Variants in RBPMS observed in about 807,000 individuals in gnomAD.
The protein encoded by RBPMS is RNA binding protein, mRNA processing factor.
Under a neutral mutation model 26.8 loss-of-function variants are expected in RBPMS, and 7 were observed. That is an observed-to-expected ratio of 0.26 (90% CI 0.15 to 0.49). The LOEUF (loss-of-function observed/expected upper bound fraction) is 0.49. RBPMS is among the 20% of genes least tolerant of loss of function. RBPMS has a pLI of 0.98. For synonymous variants in RBPMS, 96 were observed against 93.3 expected (o/e 1.03, Z -0.17); for missense variants, 186 against 250.0 (o/e 0.74, Z 1.73).
intron 1 of RBPMS, among the ~76,000 whole-genome samples, chr8:30,410,556 G>A (rs1253844276): frequency 7.9e-6 from 1 of 125,944 alleles, no homozygotes; most frequent in Non-Finnish European, 2.0e-5. Context: ...ATATATATAG[G>A]TGTGTGTGTA....
chr8:30,558,838 G>T (rs201339554), intron 6 of RBPMS, 49 bp from the exon 7 acceptor site: 4 of 1,491,640 alleles, frequency 2.7e-6, no homozygotes, highest in Admixed American at 3.3e-5. Flanking sequence ...GTGAGAATGG[G>T]GATATGCTGG....
In RBPMS at chr8:30,488,901, C is replaced by T. The variant is rs183724257; in HGVS notation, c.246+9524C>T. ...CAATCATGTGGGTGTCCGAATCCAGCGGACCTGATTATATCCAGGCCCTGC... is the reference window on the plus strand; with the variant it reads ...CAATCATGTGGGTGTCCGAATCCAGTGGACCTGATTATATCCAGGCCCTGC... On this transcript the variant is annotated intron_variant, in intron 4 of 8. Coordinates refer to ENST00000397323, the MANE Select transcript of RBPMS (RefSeq NM_001008710.3). 2.0e-3 allele frequency among the ~76,000 whole-genome samples: 302 copies of T among 152,240 alleles called. 2 individuals carry two copies. The highest frequency in any genetic ancestry group is 7.1e-3 in the African/African-American group (296 of 41,562).
chr8:30,549,794 C>CTCTCTCTCTCTCTCTG (rs1246392654), intron 6 of RBPMS, among the ~76,000 whole-genome samples: 8 of 103,966 alleles, frequency 7.7e-5, no homozygotes, highest in African/African-American at 3.6e-4. Context: ...CTCTCTCTCT[C>CTCTCTCTCTCTCTCTG]TCCCCTCTCT....
intron 1 of RBPMS, among the ~76,000 whole-genome samples, chr8:30,469,235 C>T (rs911812701): frequency 3.9e-5 from 6 of 152,226 alleles, no homozygotes; most frequent in African/African-American, 1.4e-4. Flanking sequence ...ATTTCAAGGC[C>T]TGCTTTTGGC....
intron 1 of RBPMS, among the ~76,000 whole-genome samples, chr8:30,442,232 T>G (rs35320172): frequency 0.17 from 25,716 of 152,154 alleles, 2,379 homozygotes; most frequent in East Asian, 0.32. Flanking sequence ...TTCCTGGGCC[T>G]TTACTGTGCT....
At chr8:30,569,093 CT>C (rs1828093486) in intron 8 of RBPMS, among the ~76,000 whole-genome samples, 1 of 152,216 alleles carries the variant, frequency 6.6e-6, no homozygotes, top group Non-Finnish European at 1.5e-5. Context: ...CTCATCAGGG[CT>C]GCAGCTACCC....
rs116232320 is a variant in RBPMS at position 30,435,125 on chromosome 8, G to A, written c.67-39654G>A. On this transcript the variant is annotated intron_variant, in intron 1 of 8. Coordinates refer to ENST00000397323, the MANE Select transcript of RBPMS (RefSeq NM_001008710.3). ...CTGAAACTTTGAGCACTGACATGAC[G>A]CCTCACATCTCACCCTATGTGTCAG... is the stretch of plus-strand genomic sequence containing the variant. 3.1e-3 allele frequency among the ~76,000 whole-genome samples: 467 copies of A among 152,146 alleles called. 1 individual carries two copies. Among genetic ancestry groups the A allele is most frequent in the African/African-American group, 0.01 (419 of 41,516 alleles).
chr8:30,422,770 A>C (rs1489181446), intron 1 of RBPMS, among the ~76,000 whole-genome samples: 1 of 152,074 alleles, frequency 6.6e-6, no homozygotes, highest in East Asian at 1.9e-4. Context: ...GTAGATAACC[A>C]CACCCAAGAA....
chr8:30,469,640 A>G (rs954141501), intron 1 of RBPMS, among the ~76,000 whole-genome samples: 1 of 152,226 alleles, frequency 6.6e-6, no homozygotes, highest in Non-Finnish European at 1.5e-5. Context: ...ATGTTTCCCC[A>G]TGTGTTCCAT....
intron 2 of RBPMS, among the ~76,000 whole-genome samples, chr8:30,475,203 CA>C (rs1817556792): frequency 6.6e-6 from 1 of 152,022 alleles, no homozygotes; most frequent in African/African-American, 2.4e-5. Context: ...AACTTTCAAA[CA>C]AAGTAAAACA....
intron 5 of RBPMS, among the ~76,000 whole-genome samples, chr8:30,536,124 C>G (rs990158259): frequency 2.3e-5 from 3 of 130,748 alleles, no homozygotes; most frequent in Non-Finnish European, 5.1e-5. Flanking sequence ...GAGATCATCT[C>G]TCTCTTTTTT....
intron 5 of RBPMS, among the ~76,000 whole-genome samples, chr8:30,543,422 ACT>A (rs1225493137): frequency 2.0e-5 from 3 of 152,020 alleles, no homozygotes; most frequent in Non-Finnish European, 4.4e-5. Context: ...GAATAAAGTG[ACT>A]CTGTTGACCT....
chr8:30,499,567 C>T (rs778737655), intron 4 of RBPMS, among the ~76,000 whole-genome samples: 54 of 151,870 alleles, frequency 3.6e-4, no homozygotes, highest in Non-Finnish European at 4.9e-4. Context: ...CATCTCTGAT[C>T]TTCCTGCCAA....
chr8:30,384,544 G>A lies in RBPMS; in HGVS notation c.-549G>A, dbSNP rs1806761957. 6.5e-6 allele frequency: 1 copy of A among 152,812 alleles called. No individual in the cohort carries two copies. 9.5% of individuals were successfully genotyped at this position (152,812 alleles called of 1,614,324 possible). On this transcript the variant is annotated 5_prime_UTR_variant, in exon 1 of 9. Transcript: ENST00000397323. The surrounding 1 kb of genome is among the most constrained non-coding windows in gnomAD (Gnocchi z 5.6). ...CTGCTTCCATCCCGGACTTCCCAGA[G>A]CCTGCCTGGAGCGCGTACTCAGCGG...
intron 1 of RBPMS, among the ~76,000 whole-genome samples, chr8:30,425,457 A>G (rs532072556): frequency 2.6e-5 from 4 of 152,044 alleles, no homozygotes; most frequent in Admixed American, 2.0e-4. Context: ...CTGGAGTGCA[A>G]TGGCCTGATC....
chr8:30,466,584 C>T (rs1816520684), intron 1 of RBPMS, among the ~76,000 whole-genome samples: 1 of 150,522 alleles, frequency 6.6e-6, no homozygotes, highest in Non-Finnish European at 1.5e-5. Context: ...GTTTTTCTTT[C>T]TTTCTTTTTT....
At chr8:30,550,430 G>T (rs1025349446) in intron 6 of RBPMS, among the ~76,000 whole-genome samples, 1 of 152,148 alleles carries the variant, frequency 6.6e-6, no homozygotes, top group Non-Finnish European at 1.5e-5. Flanking sequence ...TTGCTTTAAA[G>T]GTAGCCCTTC....
chr8:30,486,341 A>G (rs1400258815), intron 4 of RBPMS, among the ~76,000 whole-genome samples: 9 of 125,964 alleles, frequency 7.1e-5, no homozygotes, highest in Non-Finnish European at 9.3e-5. Flanking sequence ...CTCCATCTCA[A>G]ATAAATAAAT....
intron 6 of RBPMS, among the ~76,000 whole-genome samples, chr8:30,550,049 A>G (rs1356923042): frequency 6.6e-6 from 1 of 151,538 alleles, no homozygotes; most frequent in Non-Finnish European, 1.5e-5. Context: ...ACGGGGTTTC[A>G]CTGTGTTAGC....
Sources: gnomAD v4.1 joint callset for allele counts (sites outside exome capture counted in the v4.1 genomes callset) on GRCh38, gnomAD v4.1.1 for gene constraint, Gnocchi (gnomAD v3.1) non-coding constraint, MANE v1.5 for transcripts, NCBI Gene and HGNC (gene_info 2026-07-23, HGNC 2026-07-21) for gene names.